The following ATP8B4 variants were observed in gnomAD, a reference collection of about 807,000 sequenced individuals.
ATP8B4 encodes the protein probable phospholipid-transporting ATPase IM.
Under a neutral mutation model 145.6 loss-of-function variants are expected in ATP8B4, and 133 were observed. That is an observed-to-expected ratio of 0.91 (90% CI 0.79 to 1.05). ATP8B4 has a LOEUF of 1.05. Ranked by LOEUF, ATP8B4 falls within the 50% of genes least tolerant of loss-of-function variation. The probability of loss-of-function intolerance (pLI) is 0.00; values close to 1 mark genes in which losing one functional copy is unlikely to be tolerated. For missense variants in ATP8B4, 1,458 were observed against 1,425.2 expected (o/e 1.02, Z -0.37); for synonymous variants, 507 against 492.9 (o/e 1.03, Z -0.38).
chr15:49,990,650 C>T (rs944717344), intron 9 of ATP8B4, among the ~76,000 whole-genome samples: 1 of 152,050 alleles, frequency 6.6e-6, no homozygotes, highest in African/African-American at 2.4e-5. Context: ...ACAGACTTCT[C>T]GAGCTAAGTA....
At chr15:50,050,571 C>T (rs2052098603) in intron 3 of ATP8B4, among the ~76,000 whole-genome samples, 1 of 151,392 alleles carries the variant, frequency 6.6e-6, no homozygotes, top group South Asian at 2.1e-4. Flanking sequence ...CAGAAAATTT[C>T]AAACACATGC....
At chr15:50,176,776 A>T (rs2044769919) in intron 1 of ATP8B4, among the ~76,000 whole-genome samples, 1 of 152,188 alleles carries the variant, frequency 6.6e-6, no homozygotes, top group South Asian at 2.1e-4. Context: ...TCTGGTCAGA[A>T]CTAAAGAGGG....
chr15:50,007,731 T>C (rs2048416239), intron 7 of ATP8B4, among the ~76,000 whole-genome samples: 1 of 152,126 alleles, frequency 6.6e-6, no homozygotes, highest in South Asian at 2.1e-4. Flanking sequence ...ATATAAGCTC[T>C]CTGAAGCCCC....
intron 1 of ATP8B4, among the ~76,000 whole-genome samples, chr15:50,142,695 C>A (rs1052089390): frequency 6.6e-6 from 1 of 152,148 alleles, no homozygotes; most frequent in Non-Finnish European, 1.5e-5. Flanking sequence ...TCCAGGGAAT[C>A]TTAGTAATAA....
chr15:49,876,287 G>T lies in ATP8B4; in HGVS notation c.3018C>A (p.Val1006=). The T allele has an allele frequency of 1.2e-6, 2 of 1,613,994 alleles. No homozygotes were observed. Among genetic ancestry groups the T allele is most frequent in the South Asian group, 2.2e-5 (2 of 91,044 alleles). ...ACACCGACAGCGTTACCTGCACACTGACCACAATGACCAAAGATGTGGCCA... is the reference window on the plus strand; with the variant it reads ...ACACCGACAGCGTTACCTGCACACTTACCACAATGACCAAAGATGTGGCCA... The part of the protein sequence containing the change: ...VTMATSLVIV[V]SVQIALDTSY... Residue 1006 remains valine (V), a synonymous_variant, in exon 25 of 28, where the codon GTC becomes GTA. Coordinates refer to ENST00000284509, the MANE Select transcript of ATP8B4 (RefSeq NM_024837.4).
chr15:49,989,595 G>T (rs984550102), intron 9 of ATP8B4, among the ~76,000 whole-genome samples: 3 of 152,026 alleles, frequency 2.0e-5, no homozygotes, highest in African/African-American at 7.2e-5. Flanking sequence ...CACACCAAGG[G>T]TGTGGTTCTA....
chr15:49,972,590 C>T lies in ATP8B4; in HGVS notation c.1235G>A (p.Arg412Lys). The T allele has an allele frequency of 6.2e-7, 1 of 1,612,096 alleles. No individual in the cohort carries two copies. Among genetic ancestry groups the T allele is most frequent in the Non-Finnish European group, 8.5e-7 (1 of 1,178,482 alleles). The part of the protein sequence containing the change: ...MTFKRCSING[R>K]IYGEVHDDLD... The stretch of plus-strand genomic sequence containing the variant: ...GGAACTGTTTCTCTTACCATAGATT[C>T]TCCCATTAATGGAACATCTTTTAAA... The change falls in exon 13 of 28, where the codon AGA becomes AAA. Residue 412 changes from arginine (R) to lysine (K), a missense_variant. Coordinates refer to ENST00000284509, the MANE Select transcript of ATP8B4 (RefSeq NM_024837.4).
At chr15:50,130,806 A>C (rs193166135) in intron 1 of ATP8B4, among the ~76,000 whole-genome samples, 3 of 152,106 alleles carry the variant, frequency 2.0e-5, no homozygotes, top group Admixed American at 6.6e-5. Flanking sequence ...AATAAATAAG[A>C]GTCTTGGATT....
intron 3 of ATP8B4, among the ~76,000 whole-genome samples, chr15:50,070,561 G>T (rs1008849351): frequency 6.6e-6 from 1 of 152,182 alleles, no homozygotes; most frequent in South Asian, 2.1e-4. Flanking sequence ...GGGGTCCCAT[G>T]CTCCTAAGAG....
At chr15:50,110,675 T>C (rs72734895) in intron 1 of ATP8B4, among the ~76,000 whole-genome samples, 13,107 of 152,148 alleles carry the variant, frequency 0.086, 640 homozygotes, top group Middle Eastern at 0.15. Context: ...GTAGAGGAAA[T>C]GGAAAAGGGA....
At chr15:50,018,833 A>G in intron 6 of ATP8B4, 1 of 828,274 alleles carries the variant, frequency 1.2e-6, no homozygotes, top group South Asian at 1.5e-5. Flanking sequence ...GGATTTATTT[A>G]TAATCATGGG....
At chr15:50,044,149 T>A (rs1454225469) in intron 5 of ATP8B4, among the ~76,000 whole-genome samples, 1 of 152,180 alleles carries the variant, frequency 6.6e-6, no homozygotes, top group African/African-American at 2.4e-5. Flanking sequence ...CCCACATCAT[T>A]CAAGGATCAA....
chr15:50,103,803 G>A (rs1432918084), intron 2 of ATP8B4, among the ~76,000 whole-genome samples: 1 of 152,074 alleles, frequency 6.6e-6, no homozygotes, highest in African/African-American at 2.4e-5. Context: ...AACAAATCTA[G>A]AAGCATTACA....
In ATP8B4 at chr15:49,886,516, TTTA is replaced by T. The variant is rs150394033; in HGVS notation, c.2698-7060_2698-7058del. ...TCATATTTTTATAAAAATAGAATTC[TTTA>T]TTGAGACAATTAACCATAGATATTT... On this transcript the variant is annotated intron_variant, in intron 23 of 27. Coordinates refer to ENST00000284509, the MANE Select transcript of ATP8B4 (RefSeq NM_024837.4). Among the ~76,000 whole-genome samples, 24 of 152,352 alleles carry T rather than the reference TTTA, an allele frequency of 1.6e-4. No homozygotes were observed. In the East Asian group the frequency reaches 3.5e-3, roughly 22 times the overall value.
At chr15:49,926,181 C>T (rs558477470) in intron 16 of ATP8B4, among the ~76,000 whole-genome samples, 19 of 152,174 alleles carry the variant, frequency 1.2e-4, no homozygotes, top group East Asian at 1.2e-3. Context: ...CCTGCACATC[C>T]GACTACCAGT....
intron 5 of ATP8B4, among the ~76,000 whole-genome samples, chr15:50,043,939 G>A (rs1375489308): frequency 7.9e-5 from 11 of 138,836 alleles, no homozygotes; most frequent in African/African-American, 1.6e-4. Context: ...CGGCCTGGGC[G>A]ACAGAGCGAG....
chr15:49,962,826 T>A (rs1329345771), intron 13 of ATP8B4, among the ~76,000 whole-genome samples: 3 of 152,178 alleles, frequency 2.0e-5, no homozygotes, highest in Non-Finnish European at 2.9e-5. Flanking sequence ...TGATTATAGA[T>A]GTAGCATAAT....
intron 3 of ATP8B4, among the ~76,000 whole-genome samples, chr15:50,051,316 T>C (rs918899850): frequency 3.3e-5 from 5 of 152,144 alleles, no homozygotes; most frequent in African/African-American, 9.7e-5. Flanking sequence ...TGCTGAACTG[T>C]GAATTAATTA....
chr15:50,081,398 C>T (rs1186614808), intron 2 of ATP8B4, among the ~76,000 whole-genome samples: 1 of 152,108 alleles, frequency 6.6e-6, no homozygotes, highest in Non-Finnish European at 1.5e-5. Context: ...CTTGAATAGT[C>T]AGTCTTAAAG....
Sources: gnomAD v4.1 joint callset for allele counts (sites outside exome capture counted in the v4.1 genomes callset) on GRCh38, gnomAD v4.1.1 for gene constraint, MANE v1.5 for transcripts, NCBI Gene and HGNC (gene_info 2026-07-23, HGNC 2026-07-21) for gene names.